Variants in STPG2 observed in about 807,000 individuals in gnomAD.
STPG2 encodes the protein sperm-tail PG-rich repeat-containing protein 2.
STPG2 carries 56 observed loss-of-function variants against 54.2 expected under a neutral mutation model. The ratio of observed to expected loss-of-function variants is 1.03; its 90% CI spans 0.83 to 1.29. The LOEUF is 1.29. Ranked by LOEUF, STPG2 falls within the 50% of genes most tolerant of loss-of-function variation. STPG2 has a pLI of 0.00. For missense variants in STPG2, 596 were observed against 544.9 expected (o/e 1.09, Z -0.93); for synonymous variants, 200 against 181.8 (o/e 1.10, Z -0.81).
chr4:97,566,199 T>C (rs1385299157), intron 10 of STPG2, among the ~76,000 whole-genome samples: 1 of 152,180 alleles, frequency 6.6e-6, no homozygotes, highest in Non-Finnish European at 1.5e-5. Context: ...ACTGCTGTGC[T>C]AGCAATCAGT....
At chr4:98,123,448 C>G (rs563480298) in intron 3 of STPG2, among the ~76,000 whole-genome samples, 4 of 152,146 alleles carry the variant, frequency 2.6e-5, no homozygotes, top group Non-Finnish European at 4.4e-5. Flanking sequence ...ATTATTTACC[C>G]AGGAGTCATT....
At chr4:98,011,596 A>G (rs1393119834) in intron 5 of STPG2, among the ~76,000 whole-genome samples, 1 of 152,174 alleles carries the variant, frequency 6.6e-6, no homozygotes, top group African/African-American at 2.4e-5. Flanking sequence ...AAGCATTCCT[A>G]CTTTTCCACA....
At chr4:97,539,138 C>T (rs1187297944) in intron 4 of STPG2, among the ~76,000 whole-genome samples, 5 of 152,116 alleles carry the variant, frequency 3.3e-5, no homozygotes, top group East Asian at 1.9e-4. Flanking sequence ...CATCAACTAA[C>T]GAGCAAAATA....
Position 97,755,228 on chromosome 4 carries a change from A to G in STPG2, c.1205-42414T>C, listed in dbSNP as rs147621486. 2.8e-3 allele frequency among the ~76,000 whole-genome samples: 430 copies of G among 152,272 alleles called. 3 individuals carry two copies. The highest frequency in any genetic ancestry group is 9.5e-3 in the African/African-American group (395 of 41,564). ...AAAATATTTCAAAATCTAGCAGATA[A>G]TGGTTAGCCATGTCTATCAGAAATT... On this transcript the variant is annotated intron_variant, in intron 9 of 10. Transcript: ENST00000295268.
intron 4 of STPG2, among the ~76,000 whole-genome samples, chr4:97,457,991 T>C (rs1729570683): frequency 6.6e-6 from 1 of 152,224 alleles, no homozygotes; most frequent in South Asian, 2.1e-4. Flanking sequence ...CAGAGGTTCA[T>C]AACTATGCAA....
At chr4:97,879,491 G>C (rs1730295861) in intron 8 of STPG2, among the ~76,000 whole-genome samples, 1 of 152,138 alleles carries the variant, frequency 6.6e-6, no homozygotes, top group African/African-American at 2.4e-5. Flanking sequence ...AAGAGAGAAT[G>C]AGAATGAAGC....
intron 9 of STPG2, among the ~76,000 whole-genome samples, chr4:97,839,812 G>A (rs1728742790): frequency 6.6e-6 from 1 of 151,654 alleles, no homozygotes; most frequent in Non-Finnish European, 1.5e-5. Context: ...TGCTGGATAA[G>A]TTATATTCTC....
intron 9 of STPG2, among the ~76,000 whole-genome samples, chr4:97,787,455 C>A (rs1726861268): frequency 6.6e-6 from 1 of 151,978 alleles, no homozygotes; most frequent in African/African-American, 2.4e-5. Context: ...TGTTAAACAA[C>A]CTCACATTTC....
intron 8 of STPG2, among the ~76,000 whole-genome samples, chr4:97,904,542 T>C (rs12647534): frequency 0.18 from 27,752 of 152,096 alleles, 2,852 homozygotes; most frequent in East Asian, 0.36. Context: ...TAAAAAGCAG[T>C]TTCCTGCCTC....
At chr4:97,622,924 T>C (rs947015926) in intron 10 of STPG2, among the ~76,000 whole-genome samples, 4 of 151,910 alleles carry the variant, frequency 2.6e-5, no homozygotes, top group South Asian at 2.1e-4. Flanking sequence ...ACCAGACACA[T>C]AGACAAATGG....
intron 5 of STPG2, among the ~76,000 whole-genome samples, chr4:98,058,047 A>C (rs1737532710): frequency 6.6e-6 from 1 of 152,048 alleles, no homozygotes; most frequent in South Asian, 2.1e-4. Flanking sequence ...AAGAGTACCC[A>C]AAGGAGCTCC....
chr4:98,114,471 T>A (rs1412699421), intron 3 of STPG2, among the ~76,000 whole-genome samples: 1 of 152,082 alleles, frequency 6.6e-6, no homozygotes, highest in Non-Finnish European at 1.5e-5. Context: ...CCTATACATT[T>A]GTCAAAAAAT....
intron 5 of STPG2, among the ~76,000 whole-genome samples, chr4:98,059,293 G>A: frequency 6.6e-6 from 1 of 151,932 alleles, no homozygotes; most frequent in Non-Finnish European, 1.5e-5. Flanking sequence ...AGACTGGAGA[G>A]AGGGTGAAAT....
intron 5 of STPG2, among the ~76,000 whole-genome samples, chr4:98,024,026 G>A (rs900856527): frequency 3.0e-4 from 46 of 152,144 alleles, no homozygotes; most frequent in Non-Finnish European, 2.6e-4. Flanking sequence ...CGCACAGTTC[G>A]CTGCACCCAC....
intron 10 of STPG2, among the ~76,000 whole-genome samples, chr4:97,642,952 C>T (rs1418219521): frequency 6.6e-6 from 1 of 151,368 alleles, no homozygotes; most frequent in Non-Finnish European, 1.5e-5. Context: ...AGTAGTAAAG[C>T]AATATTAACC....
chr4:97,950,854 A>G (rs1039095251), intron 7 of STPG2, among the ~76,000 whole-genome samples: 1 of 152,166 alleles, frequency 6.6e-6, no homozygotes, highest in African/African-American at 2.4e-5. Context: ...TGTAGGACTA[A>G]CAAATTAGCC....
chr4:97,530,690 T>C (rs145403034), intron 4 of STPG2, among the ~76,000 whole-genome samples: 5 of 152,322 alleles, frequency 3.3e-5, no homozygotes, highest in African/African-American at 1.2e-4. Context: ...CAAAATCAGG[T>C]GAGCAATCAC....
chr4:97,905,667 G>A (rs1484318694), intron 8 of STPG2, among the ~76,000 whole-genome samples: 1 of 152,092 alleles, frequency 6.6e-6, no homozygotes, highest in Admixed American at 6.5e-5. Flanking sequence ...TGGCAAATTG[G>A]ATAAAGAGTC....
chr4:97,509,763 G>T (rs150645121), intron 4 of STPG2, among the ~76,000 whole-genome samples: 3,051 of 152,124 alleles, frequency 0.02, 56 homozygotes, highest in Middle Eastern at 0.054. Flanking sequence ...CTTTGAAGGG[G>T]AAAAATAGTG....
Sources: allele counts gnomAD v4.1 joint callset (sites outside exome capture counted in the v4.1 genomes callset), GRCh38; gene constraint gnomAD v4.1.1; transcripts MANE v1.5; gene names NCBI Gene and HGNC (gene_info 2026-07-23, HGNC 2026-07-21).